RORB: variants seen among roughly 807,000 people sequenced by gnomAD.
The protein encoded by RORB is nuclear receptor ROR-beta.
RORB carries 6 observed loss-of-function variants against 59.1 expected under a neutral mutation model. The observed-to-expected ratio is 0.10, with a 90% CI of 0.06 to 0.20. RORB has a LOEUF of 0.20. RORB is among the 10% of genes least tolerant of loss of function. The pLI, the probability that RORB is intolerant of heterozygous loss-of-function variation, is 1.00. For synonymous variants in RORB, 215 were observed against 204.5 expected (o/e 1.05, Z -0.44); for missense variants, 320 against 560.5 (o/e 0.57, Z 4.33).
intron 1 of RORB, among the ~76,000 whole-genome samples, chr9:74,516,972 G>A (rs79966389): frequency 4.6e-5 from 7 of 151,942 alleles, no homozygotes; most frequent in African/African-American, 1.4e-4. Flanking sequence ...TTCTTTCAGG[G>A]GAGTGTTTTA....
chr9:74,683,358 C>A (rs1454483318), intron 9 of RORB, among the ~76,000 whole-genome samples: 1 of 152,188 alleles, frequency 6.6e-6, no homozygotes, highest in East Asian at 1.9e-4. Context: ...CACTTGAACA[C>A]TCTGTACCTA....
At chr9:74,537,558 A>T (rs142475257) in intron 1 of RORB, among the ~76,000 whole-genome samples, 1 of 152,058 alleles carries the variant, frequency 6.6e-6, no homozygotes, top group South Asian at 2.1e-4. Context: ...AATTTTATTC[A>T]TTCTGCTTCA....
intron 6 of RORB, among the ~76,000 whole-genome samples, chr9:74,663,335 A>G (rs35752149): frequency 0.16 from 24,949 of 152,146 alleles, 2,284 homozygotes; most frequent in Middle Eastern, 0.22. Flanking sequence ...TGACATCTCA[A>G]GTAATCTTGT....
chr9:74,670,137 C>CAAG (rs925476350), intron 8 of RORB, among the ~76,000 whole-genome samples: 3 of 151,502 alleles, frequency 2.0e-5, no homozygotes, highest in Non-Finnish European at 4.4e-5. Context: ...GAAGAAGTGA[C>CAAG]AAGAATACTT....
intron 1 of RORB, among the ~76,000 whole-genome samples, chr9:74,566,994 T>C (rs1822478791): frequency 6.6e-6 from 1 of 152,030 alleles, no homozygotes; most frequent in Non-Finnish European, 1.5e-5. Flanking sequence ...AGCTGTTGCT[T>C]GCCTACCTCA....
intron 1 of RORB, among the ~76,000 whole-genome samples, chr9:74,620,656 C>A (rs559249289): frequency 1.2e-4 from 19 of 152,302 alleles, no homozygotes; most frequent in African/African-American, 4.6e-4. Flanking sequence ...AATTTTAGAT[C>A]TTTCCTGCTT....
At chr9:74,598,989 C>G (rs1823013913) in intron 1 of RORB, among the ~76,000 whole-genome samples, 1 of 152,130 alleles carries the variant, frequency 6.6e-6, no homozygotes, top group Non-Finnish European at 1.5e-5. Flanking sequence ...TCCCTCAATA[C>G]CTTGTGAAAT....
Position 74,692,105 on chromosome 9 carries a change from T to A in RORB, c.*6487T>A, listed in dbSNP as rs1057107329. 6.6e-6 allele frequency: 1 copy of A among 152,220 alleles called. No individual in the cohort carries two copies. Among genetic ancestry groups the A allele is most frequent in the African/African-American group, 2.4e-5 (1 of 41,452 alleles). The allele number at this position is 152,220 out of a possible 1,614,324, so 9.4% of individuals were successfully genotyped here. A position where few individuals can be genotyped will look rare whatever the true frequency, so the allele number is the denominator to read the frequency against. The stretch of plus-strand genomic sequence containing the variant: ...ACACATTTATTTCTTGTTAATAACC[T>A]GAGGTCAGACCACTCATTTGCTGAA... On this transcript the variant is annotated 3_prime_UTR_variant, in exon 10 of 10. Coordinates refer to ENST00000376896, the MANE Select transcript of RORB (RefSeq NM_006914.4).
chr9:74,656,883 C>G (rs1451933001), intron 4 of RORB, among the ~76,000 whole-genome samples: 1 of 152,186 alleles, frequency 6.6e-6, no homozygotes, highest in Non-Finnish European at 1.5e-5. Context: ...CCTGTTTACT[C>G]AGACATCCCT....
At chr9:74,668,500 G>A (rs980498093) in intron 8 of RORB, among the ~76,000 whole-genome samples, 2 of 152,142 alleles carry the variant, frequency 1.3e-5, no homozygotes, top group Admixed American at 6.6e-5. Context: ...TTCTGACTCC[G>A]AAAAATTTCA....
At chr9:74,668,299 C>T (rs1257226862) in intron 8 of RORB, among the ~76,000 whole-genome samples, 2 of 152,162 alleles carry the variant, frequency 1.3e-5, no homozygotes, top group South Asian at 2.1e-4. Context: ...AGAATGGGGA[C>T]CTACATAAGT....
Position 74,599,408 on chromosome 9 carries a change from A to G in RORB, c.8-30874A>G, listed in dbSNP as rs1018023582. 7.9e-5 allele frequency among the ~76,000 whole-genome samples: 12 copies of G among 152,158 alleles called. 1 individual carries two copies. Among genetic ancestry groups the G allele is most frequent in the African/African-American group, 2.9e-4 (12 of 41,448 alleles). ...AGCTACTTCAATCAGAATGAGTAAT[A>G]TAGACACATTTAAAGAAATTAAAAC... is the stretch of plus-strand genomic sequence containing the variant. On this transcript the variant is annotated intron_variant, in intron 1 of 9. Coordinates refer to ENST00000376896, the MANE Select transcript of RORB (RefSeq NM_006914.4).
At chr9:74,633,578 C>T (rs184669096) in intron 2 of RORB, among the ~76,000 whole-genome samples, 2 of 152,268 alleles carry the variant, frequency 1.3e-5, no homozygotes, top group Non-Finnish European at 2.9e-5. Flanking sequence ...TTAGGGAAAT[C>T]GATTACATGA....
intron 3 of RORB, among the ~76,000 whole-genome samples, chr9:74,641,153 T>C (rs1823796500): frequency 6.6e-6 from 1 of 152,198 alleles, no homozygotes; most frequent in African/African-American, 2.4e-5. Context: ...TAGCCCCCAC[T>C]ATTAACATGA....
intron 1 of RORB, among the ~76,000 whole-genome samples, chr9:74,512,755 G>T (rs901029869): frequency 1.3e-5 from 2 of 152,092 alleles, no homozygotes; most frequent in African/African-American, 4.8e-5. Context: ...AGGATCCTCA[G>T]TTTTTTTGTG....
At chr9:74,590,127 T>G (rs2118284090) in intron 1 of RORB, among the ~76,000 whole-genome samples, 1 of 152,290 alleles carries the variant, frequency 6.6e-6, no homozygotes, top group East Asian at 1.9e-4. Context: ...CATAGTAAGC[T>G]CTCAGTAGTA....
chr9:74,624,178 T>C (rs554146184), intron 1 of RORB, among the ~76,000 whole-genome samples: 2 of 152,278 alleles, frequency 1.3e-5, no homozygotes, highest in South Asian at 2.1e-4. Flanking sequence ...TGATAAATGG[T>C]ATAGGGAATT....
chr9:74,635,765 C>T (rs1437757507), intron 3 of RORB, among the ~76,000 whole-genome samples: 2 of 152,076 alleles, frequency 1.3e-5, no homozygotes, highest in South Asian at 2.1e-4. Flanking sequence ...GTCGCACTCC[C>T]TCTAGTGAAA....
At chr9:74,539,680 C>T (rs1424153162) in intron 1 of RORB, among the ~76,000 whole-genome samples, 3 of 151,868 alleles carry the variant, frequency 2.0e-5, no homozygotes, top group South Asian at 4.2e-4. Context: ...TAGATAAATG[C>T]TATGAAGACA....
Sources: allele counts gnomAD v4.1 joint callset (sites outside exome capture counted in the v4.1 genomes callset), GRCh38; gene constraint gnomAD v4.1.1; transcripts MANE v1.5; gene names NCBI Gene and HGNC (gene_info 2026-07-23, HGNC 2026-07-21).